The following TLN2 variants were observed in gnomAD, a reference collection of about 807,000 sequenced individuals.
The protein encoded by TLN2 is talin 2.
TLN2 carries 118 observed loss-of-function variants against 294.7 expected under a neutral mutation model. The observed-to-expected ratio is 0.40, with a 90% CI of 0.34 to 0.47. TLN2 has a LOEUF of 0.47. Among genes scored for constraint, TLN2 ranks in the 20% least tolerant of loss-of-function variants. The pLI, the probability that TLN2 is intolerant of heterozygous loss-of-function variation, is 0.84. For missense variants in TLN2, 3,083 were observed against 3,282.2 expected, an observed-to-expected ratio of 0.94 and a Z score of 1.48; for synonymous variants, 1,431 against 1,304.5, an observed-to-expected ratio of 1.10 and a Z score of -2.09.
intron 54 of TLN2, chr15:62,832,695 TG>T (rs2069003621): frequency 6.6e-6 from 1 of 151,356 alleles, no homozygotes; most frequent in African/African-American, 2.5e-5. Context: ...GATGTCGTGT[TG>T]CCCTGGTTTC....
Position 62,697,006 on chromosome 15 carries a change from A to G in TLN2, c.1293-682A>G, listed in dbSNP as rs1803478046. On this transcript the variant is annotated intron_variant, in intron 14 of 58. Coordinates refer to ENST00000636159, the MANE Select transcript of TLN2 (RefSeq NM_015059.3). ...CTGGCACAAGGTTGATACTTGTTTA[A>G]TGAATGTTCTTTCAGATATTATTTA... Among the ~76,000 whole-genome samples the G allele has an allele frequency of 2.0e-5, 3 of 152,322 alleles. No individual in the cohort carries two copies. The South Asian group carries it at 6.2e-4, about 32-fold the overall frequency.
chr15:62,486,392 C>A lies in TLN2; in HGVS notation c.-238+95707C>A, dbSNP rs562147990. ...CCCTAGGATTCAATCCAGGATTACG[C>A]AGATTCTGTACTCAGTTGTCATGTC... is the stretch of plus-strand genomic sequence containing the variant. On this transcript the variant is annotated intron_variant, in intron 1 of 58. Transcript: ENST00000636159. Among the ~76,000 whole-genome samples, 17 of 151,196 alleles carry A rather than the reference C, an allele frequency of 1.1e-4. No homozygotes were observed. In the South Asian group the frequency reaches 3.6e-3, roughly 32 times the overall value.
At chr15:62,668,688 A>G (rs1047707211) in intron 9 of TLN2, among the ~76,000 whole-genome samples, 10 of 152,310 alleles carry the variant, frequency 6.6e-5, no homozygotes, top group African/African-American at 2.2e-4. Flanking sequence ...GCAACTTAGC[A>G]TCGCTGAGCC....
intron 33 of TLN2, among the ~76,000 whole-genome samples, chr15:62,750,163 A>G (rs965451559): frequency 6.6e-6 from 1 of 152,332 alleles, no homozygotes; most frequent in Middle Eastern, 3.4e-3. Context: ...AACTGAAAAC[A>G]AGAGATTCTC....
chr15:62,661,029 A>G (rs1436259845), intron 9 of TLN2, among the ~76,000 whole-genome samples: 4 of 152,234 alleles, frequency 2.6e-5, no homozygotes, highest in African/African-American at 9.6e-5. Flanking sequence ...TGTTGATTAA[A>G]GAAATTGACA....
At chr15:62,475,311 G>T (rs2037727234) in intron 1 of TLN2, among the ~76,000 whole-genome samples, 1 of 152,146 alleles carries the variant, frequency 6.6e-6, no homozygotes, top group Middle Eastern at 3.2e-3. Flanking sequence ...ACAGAATTTT[G>T]GAATTTTCTA....
intron 1 of TLN2, among the ~76,000 whole-genome samples, chr15:62,449,190 T>G: frequency 6.6e-6 from 1 of 152,116 alleles, no homozygotes; most frequent in East Asian, 1.9e-4. Context: ...GCAGCAAGTC[T>G]TAAGAGGAGG....
intron 1 of TLN2, among the ~76,000 whole-genome samples, chr15:62,569,983 G>A (rs1469672422): frequency 3.3e-5 from 5 of 152,182 alleles, no homozygotes; most frequent in Admixed American, 3.3e-4. Context: ...GGTCAAGGCT[G>A]TGTTCAGTTC....
chr15:62,834,481 A>C (rs1387824695), intron 55 of TLN2: 1 of 152,250 alleles, frequency 6.6e-6, no homozygotes, highest in African/African-American at 2.4e-5. Flanking sequence ...AACTCGCAGT[A>C]CAGACAGGGA....
Position 62,708,771 on chromosome 15 carries a change from C to G in TLN2, c.2442C>G (p.Ser814Arg). 4 of 1,605,410 alleles carry G rather than the reference C, an allele frequency of 2.5e-6. No individual in the cohort carries two copies. The highest frequency in any genetic ancestry group is 2.5e-6 in the Non-Finnish European group (3 of 1,179,796). Residue 814 changes from serine to arginine, a missense_variant, in exon 21 of 59, where the codon AGC (serine) becomes AGG (arginine). Coordinates refer to ENST00000636159, the MANE Select transcript of TLN2 (RefSeq NM_015059.3). ...ATDTIMCVTE[S>R]IFSSMGDAGE... ...ACACCATCATGTGTGTCACCGAGAGCATCTTCAGCTCCATGGGTGACGCTG... is the reference window on the plus strand; with the variant it reads ...ACACCATCATGTGTGTCACCGAGAGGATCTTCAGCTCCATGGGTGACGCTG...
intron 1 of TLN2, among the ~76,000 whole-genome samples, chr15:62,453,258 A>AT (rs35433926): frequency 0.012 from 1,653 of 143,446 alleles, 23 homozygotes; most frequent in African/African-American, 0.036. Flanking sequence ...TTGTCAACCT[A>AT]TTTTTTTTTT....
At chr15:62,603,372 A>C (rs764949521) in intron 2 of TLN2, among the ~76,000 whole-genome samples, 6 of 152,050 alleles carry the variant, frequency 3.9e-5, no homozygotes, top group Admixed American at 2.6e-4. Flanking sequence ...GGCATACTCT[A>C]TGCACGTTTC....
In TLN2 at chr15:62,736,661, G is replaced by T. The variant is rs190706301; in HGVS notation, c.3359-217G>T. 1.2e-3 allele frequency among the ~76,000 whole-genome samples: 179 copies of T among 152,320 alleles called. 2 individuals are homozygous for T. Among genetic ancestry groups the T allele is most frequent in the Admixed American group, 3.5e-3 (54 of 15,302 alleles). On this transcript the variant is annotated intron_variant, in intron 28 of 58. Transcript: ENST00000636159. ...TCAGGGGGAAGAAGTCTTTAGTATT[G>T]CATTTGTTATTAATGTGTCTCTTGG... is the stretch of plus-strand genomic sequence containing the variant.
intron 45 of TLN2, among the ~76,000 whole-genome samples, chr15:62,791,095 A>C (rs577066211): frequency 1.3e-5 from 2 of 152,292 alleles, no homozygotes; most frequent in Admixed American, 6.5e-5. Flanking sequence ...TTGGGAGGCC[A>C]AGGTGGGCGG....
intron 1 of TLN2, among the ~76,000 whole-genome samples, chr15:62,481,879 C>G (rs1318338550): frequency 6.7e-6 from 1 of 148,574 alleles, no homozygotes; most frequent in African/African-American, 2.5e-5. Flanking sequence ...TCATTGCAAC[C>G]TCCGCCTCCT....
intron 1 of TLN2, among the ~76,000 whole-genome samples, chr15:62,451,067 CTG>C (rs950276512): frequency 1.6e-4 from 25 of 151,760 alleles, no homozygotes; most frequent in African/African-American, 5.1e-4. Context: ...ACCTTGGCCT[CTG>C]AGAGTGCTTT....
intron 11 of TLN2, among the ~76,000 whole-genome samples, chr15:62,684,847 G>C (rs1366807052): frequency 2.7e-5 from 4 of 150,230 alleles, no homozygotes; most frequent in African/African-American, 9.9e-5. Flanking sequence ...ATGCTCTGAA[G>C]ATTAACAGAT....
intron 12 of TLN2, among the ~76,000 whole-genome samples, chr15:62,689,510 CTGT>C (rs2057593991): frequency 6.6e-6 from 1 of 152,060 alleles, no homozygotes; most frequent in Non-Finnish European, 1.5e-5. Context: ...CAGCCTTCTT[CTGT>C]TATCATTTTG....
At chr15:62,468,447 GT>G (rs2037266325) in intron 1 of TLN2, among the ~76,000 whole-genome samples, 1 of 152,144 alleles carries the variant, frequency 6.6e-6, no homozygotes, top group Non-Finnish European at 1.5e-5. Flanking sequence ...ATTATTTAAT[GT>G]TACAAAGGAG....
Sources: gnomAD v4.1 joint callset for allele counts (sites outside exome capture counted in the v4.1 genomes callset) on GRCh38, gnomAD v4.1.1 for gene constraint, MANE v1.5 for transcripts, NCBI Gene and HGNC (gene_info 2026-07-23, HGNC 2026-07-21) for gene names.